The following CBR4 variants were observed in gnomAD, a reference collection of about 807,000 sequenced individuals.
CBR4 encodes carbonyl reductase 4.
CBR4 carries 22 observed loss-of-function variants against 21.0 expected under a neutral mutation model. The ratio of observed to expected loss-of-function variants is 1.05; its 90% CI spans 0.75 to 1.50. The LOEUF (loss-of-function observed/expected upper bound fraction) is 1.50, where lower values mean the gene tolerates loss of function less well. Ranked by LOEUF, CBR4 falls within the 40% of genes most tolerant of loss-of-function variation. The pLI is 0.00. For synonymous variants in CBR4, 100 were observed against 104.4 expected (o/e 0.96, Z 0.26); for missense variants, 302 against 286.3 (o/e 1.05, Z -0.40).
At chr4:168,926,785 C>G in intron 2 of CBR4, 1 of 241,330 alleles carries the variant, frequency 4.1e-6, no homozygotes, top group Non-Finnish European at 8.1e-6. Context: ...GTACCACAAA[C>G]AGTACTACAA....
At chr4:168,905,411 G>C (rs1170434605) in intron 2 of CBR4, among the ~76,000 whole-genome samples, 1 of 151,730 alleles carries the variant, frequency 6.6e-6, no homozygotes, top group African/African-American at 2.4e-5. Context: ...GCCTCCCAAA[G>C]TGTTAGCATT....
At chr4:168,904,513 G>A (rs1450193470) in intron 2 of CBR4, among the ~76,000 whole-genome samples, 1 of 152,048 alleles carries the variant, frequency 6.6e-6, no homozygotes, top group Non-Finnish European at 1.5e-5. Context: ...TTGCCAGTTC[G>A]AGCCTGCAAA....
intron 2 of CBR4, among the ~76,000 whole-genome samples, chr4:168,976,519 G>A (rs1162124262): frequency 6.6e-6 from 1 of 152,224 alleles, no homozygotes; most frequent in African/African-American, 2.4e-5. Flanking sequence ...ATAGGAGGTG[G>A]AGTTAGGAGC....
chr4:168,981,569 T>A (rs771425833), intron 2 of CBR4, among the ~76,000 whole-genome samples: 1 of 152,098 alleles, frequency 6.6e-6, no homozygotes, highest in African/African-American at 2.4e-5. Flanking sequence ...CTCAGTCAGA[T>A]AATAAAGAGA....
chr4:168,917,046 G>T (rs1206552542), intron 2 of CBR4, among the ~76,000 whole-genome samples: 59 of 97,352 alleles, frequency 6.1e-4, no homozygotes, highest in East Asian at 1.6e-3. Context: ...TTGTTTTTTT[G>T]GGGTTTTTTT....
intron 2 of CBR4, among the ~76,000 whole-genome samples, chr4:168,912,741 C>T (rs1261400695): frequency 6.6e-6 from 1 of 152,034 alleles, no homozygotes; most frequent in Non-Finnish European, 1.5e-5. Context: ...ACTCAAAATC[C>T]ACTCTTCCAG....
At chr4:168,924,878 T>C in intron 2 of CBR4, 1 of 1,502,048 alleles carries the variant, frequency 6.7e-7, no homozygotes, top group Non-Finnish European at 9.3e-7. Flanking sequence ...TAATTAAAAA[T>C]GATGCTTCAT....
chr4:168,943,630 C>G (rs6832306), intron 2 of CBR4, among the ~76,000 whole-genome samples: 104,986 of 152,104 alleles, frequency 0.69, 37,626 homozygotes, highest in East Asian at 0.96. Context: ...CCACTACAGG[C>G]TGGGCATGGT....
chr4:168,994,204 G>GGGCC (rs1765067821), intron 4 of CBR4, among the ~76,000 whole-genome samples: 1 of 152,216 alleles, frequency 6.6e-6, no homozygotes, highest in Non-Finnish European at 1.5e-5. Flanking sequence ...ACAAAGGGAT[G>GGGCC]GGCCGAAATA....
chr4:169,002,998 C>T (rs1252215188), intron 3 of CBR4, among the ~76,000 whole-genome samples: 1 of 152,174 alleles, frequency 6.6e-6, no homozygotes, highest in Non-Finnish European at 1.5e-5. Context: ...ACTGACAATG[C>T]ATCTGGTCAC....
In CBR4 at chr4:168,990,347, T is replaced by C; in HGVS notation, c.536-19A>G. On this transcript the variant is annotated intron_variant, in intron 4 of 4. Transcript: ENST00000306193. Reference sequence around the variant, plus strand: ...ACAAATCCTAAAAGAGAAATGTTTGTTTAGTTGAAAAGGGTACACACTAAG... The same window carrying C: ...ACAAATCCTAAAAGAGAAATGTTTGCTTAGTTGAAAAGGGTACACACTAAG... 3 of 1,566,688 alleles carry C rather than the reference T, an allele frequency of 1.9e-6. No individual in the cohort carries two copies. The highest frequency in any genetic ancestry group is 2.6e-6 in the Non-Finnish European group (3 of 1,154,790).
intron 2 of CBR4, among the ~76,000 whole-genome samples, chr4:168,923,106 T>G (rs1004959417): frequency 6.6e-6 from 1 of 152,262 alleles, no homozygotes; most frequent in East Asian, 1.9e-4. Flanking sequence ...GTAGATGTTA[T>G]TCTTACTGAT....
At position 168,900,523 on chromosome 4, in the gene CBR4, G is replaced by A. The variant is rs1010544055; in HGVS notation, n.170-5758C>T. ...TTAATAGTGGCATAAAATGAAAGAGGGAAAAGTGATAAAAAAATACCTGAC... is the reference window on the plus strand; with the variant it reads ...TTAATAGTGGCATAAAATGAAAGAGAGAAAAGTGATAAAAAAATACCTGAC... On this transcript the variant is annotated intron_variant and non_coding_transcript_variant, in intron 2 of 3. Coordinates refer to the CBR4 transcript ENST00000509108. Among the ~76,000 whole-genome samples, 5 of 151,992 alleles carry A rather than the reference G, an allele frequency of 3.3e-5. No individual in the cohort carries two copies. The South Asian group carries it at 1.0e-3, about 32-fold the overall frequency.
intron 2 of CBR4, among the ~76,000 whole-genome samples, chr4:168,935,404 C>T (rs140904445): frequency 1.0e-3 from 153 of 152,256 alleles, no homozygotes; most frequent in African/African-American, 3.3e-3. Flanking sequence ...GGAACACCAG[C>T]GAGACAGAAC....
intron 2 of CBR4, among the ~76,000 whole-genome samples, chr4:168,912,860 T>C (rs1176816002): frequency 3.3e-5 from 5 of 152,208 alleles, no homozygotes; most frequent in Non-Finnish European, 5.9e-5. Context: ...AACTTCTGGC[T>C]ATCTCCCCGA....
At chr4:168,925,452 A>C in intron 2 of CBR4, 1 of 643,526 alleles carries the variant, frequency 1.6e-6, no homozygotes, top group Non-Finnish European at 2.8e-6. Context: ...ACTGCCTTTT[A>C]ACATTTCTTC....
chr4:168,993,509 C>T (rs1207820754), intron 4 of CBR4, among the ~76,000 whole-genome samples: 1 of 152,126 alleles, frequency 6.6e-6, no homozygotes, highest in Non-Finnish European at 1.5e-5. Context: ...CTGTGCCCAG[C>T]CAACAAAAGT....
intron 2 of CBR4, chr4:168,925,135 G>C: frequency 6.3e-7 from 1 of 1,599,414 alleles, no homozygotes; most frequent in Non-Finnish European, 8.6e-7. Flanking sequence ...TGAAAAATTA[G>C]ACATCTGGAC....
chr4:168,965,799 T>C (rs917213039), intron 2 of CBR4, among the ~76,000 whole-genome samples: 8 of 152,190 alleles, frequency 5.3e-5, no homozygotes, highest in African/African-American at 1.9e-4. Context: ...ATAAAAACCC[T>C]AGAAGAAAAC....
Sources: gnomAD v4.1 joint callset for allele counts (sites outside exome capture counted in the v4.1 genomes callset) on GRCh38, gnomAD v4.1.1 for gene constraint, MANE v1.5 for transcripts, NCBI Gene and HGNC (gene_info 2026-07-23, HGNC 2026-07-21) for gene names.